SQOR: variants seen among roughly 807,000 people sequenced by gnomAD.
SQOR encodes the protein sulfide quinone oxidoreductase, also known as sulfide:quinone oxidoreductase, mitochondrial.
In SQOR, 39 loss-of-function variants were observed where a neutral mutation model predicts 48.6. The observed-to-expected ratio is 0.80, with a 90% CI of 0.62 to 1.05. The LOEUF is 1.05. Among genes scored for constraint, SQOR ranks in the 50% least tolerant of loss-of-function variants. The pLI, the probability that SQOR is intolerant of heterozygous loss-of-function variation, is 0.00. For missense variants in SQOR, 561 were observed against 559.9 expected, an observed-to-expected ratio of 1.00 and a Z score of -0.02; for synonymous variants, 220 against 206.2, an observed-to-expected ratio of 1.07 and a Z score of -0.57.
At chr15:45,636,604 A>G (rs1595568324) in intron 1 of SQOR, among the ~76,000 whole-genome samples, 1 of 152,040 alleles carries the variant, frequency 6.6e-6, no homozygotes, top group Non-Finnish European at 1.5e-5. Context: ...GGATTTCACC[A>G]TATTGTCCAG....
At chr15:45,679,220 A>G (rs1890084872) in intron 6 of SQOR, among the ~76,000 whole-genome samples, 1 of 152,238 alleles carries the variant, frequency 6.6e-6, no homozygotes, top group Non-Finnish European at 1.5e-5. Flanking sequence ...TGAATTTCAA[A>G]AAATCCACCA....
intron 3 of SQOR, among the ~76,000 whole-genome samples, chr15:45,663,415 A>C (rs985469544): frequency 2.6e-4 from 39 of 152,192 alleles, no homozygotes; most frequent in Non-Finnish European, 4.6e-4. Flanking sequence ...CAGATTTTGC[A>C]TTTGCTTTTA....
At chr15:45,634,244 A>G, upstream of SQOR, among the ~76,000 whole-genome samples, 1 of 138,636 alleles carries the variant, frequency 7.2e-6, no homozygotes, top group Middle Eastern at 3.8e-3. Flanking sequence ...CATAAAACCA[A>G]ATAAGTGTAA....
At chr15:45,689,681 A>G (rs967116563) in intron 9 of SQOR, among the ~76,000 whole-genome samples, 7 of 151,948 alleles carry the variant, frequency 4.6e-5, no homozygotes, top group Non-Finnish European at 7.4e-5. Context: ...CGGCCTCCCA[A>G]TGTGTTGGGA....
intron 6 of SQOR, 143 bp from the exon 7 acceptor site, chr15:45,682,335 G>A (rs575558220): frequency 1.3e-6 from 1 of 772,972 alleles, no homozygotes; most frequent in African/African-American, 1.7e-5. Context: ...TCTTGGAGAG[G>A]GCGTGGACTG....
At chr15:45,650,587 C>T (rs573375279) in intron 1 of SQOR, among the ~76,000 whole-genome samples, 1 of 152,226 alleles carries the variant, frequency 6.6e-6, no homozygotes, top group Admixed American at 6.5e-5. Flanking sequence ...CCACCGCTCG[C>T]TCGGGCAGCC....
At chr15:45,675,389 T>C (rs1566921932) in intron 5 of SQOR, among the ~76,000 whole-genome samples, 1 of 148,594 alleles carries the variant, frequency 6.7e-6, no homozygotes, top group Non-Finnish European at 1.5e-5. Context: ...TACTGTTTTT[T>C]AGTTTGTTTA....
In SQOR at chr15:45,659,040, G is replaced by A. The variant is rs774896218; in HGVS notation, c.117G>A (p.Ala39=). The A allele has an allele frequency of 4.1e-5, 65 of 1,600,530 alleles. No homozygotes were observed. Among genetic ancestry groups the A allele is most frequent in the African/African-American group, 5.3e-5 (4 of 74,830 alleles). The stretch of plus-strand genomic sequence containing the variant: ...AGCTGCACACCGGGGCCAGCCATGC[G>A]GCCAGGAACCATTATGAGGTGCTGG... The part of the protein sequence containing the change: ...PLQLHTGASH[A]ARNHYEVLVL... Residue 39 remains alanine (A), a synonymous_variant, in exon 2 of 10, where the codon GCG becomes GCA. Transcript: ENST00000260324.
intron 9 of SQOR, 79 bp downstream of exon 9, chr15:45,689,296 C>T: frequency 7.0e-7 from 1 of 1,421,018 alleles, no homozygotes; most frequent in Non-Finnish European, 9.8e-7. Flanking sequence ...AGCCTCTTTT[C>T]TTCATTATTA....
intron 1 of SQOR, among the ~76,000 whole-genome samples, chr15:45,639,957 C>A (rs1895075459): frequency 6.6e-6 from 1 of 152,192 alleles, no homozygotes; most frequent in Non-Finnish European, 1.5e-5. Flanking sequence ...TGGTAAATGA[C>A]TATCTCATGG....
chr15:45,668,221 G>C (rs1307593420), intron 3 of SQOR, among the ~76,000 whole-genome samples: 1 of 152,102 alleles, frequency 6.6e-6, no homozygotes, highest in African/African-American at 2.4e-5. Context: ...TGGGATTACA[G>C]GCATGAGCCA....
At position 45,691,019 on chromosome 15, in the gene SQOR, G is replaced by A; in HGVS notation, c.1342G>A (p.Gly448Ser). 6.2e-7 allele frequency: 1 copy of A among 1,614,134 alleles called. No homozygotes were observed. Among genetic ancestry groups the A allele is most frequent in the South Asian group, 1.1e-5 (1 of 91,078 alleles). ...PAFLRKLFHLGMS is the reference protein window; with the variant it reads ...PAFLRKLFHLSMS ...GTTTCTGCGCAAGTTGTTTCATCTA[G>A]GTATGAGTTAAGGATGGCTCAGCAC... Residue 448 changes from glycine (G) to serine (S), a missense_variant, in exon 10 of 10, where the codon GGT becomes AGT. Coordinates refer to ENST00000260324, the MANE Select transcript of SQOR (RefSeq NM_021199.4).
intron 6 of SQOR, among the ~76,000 whole-genome samples, chr15:45,680,669 G>A (rs942916216): frequency 1.4e-4 from 22 of 152,090 alleles, no homozygotes; most frequent in African/African-American, 4.6e-4. Context: ...GCCCACCTTG[G>A]CCCCCCAAAG....
intron 3 of SQOR, 126 bp from the exon 4 acceptor site, chr15:45,669,802 T>C (rs766149123): frequency 1.4e-5 from 11 of 803,410 alleles, no homozygotes; most frequent in Non-Finnish European, 2.4e-5. Context: ...TTCTCATCTG[T>C]TCTATGGGCT....
intron 2 of SQOR, among the ~76,000 whole-genome samples, chr15:45,660,756 C>T (rs1889703002): frequency 6.6e-6 from 1 of 152,168 alleles, no homozygotes; most frequent in African/African-American, 2.4e-5. Context: ...CCTCTGTCTT[C>T]CTCCCTCTTG....
intron 7 of SQOR, among the ~76,000 whole-genome samples, 165 bp from the exon 8 acceptor site, chr15:45,688,172 C>T (rs955937820): frequency 6.6e-6 from 1 of 152,174 alleles, no homozygotes; most frequent in Non-Finnish European, 1.5e-5. Flanking sequence ...TTAAAGAACC[C>T]CCTCCGGTAG....
intron 2 of SQOR, among the ~76,000 whole-genome samples, chr15:45,660,640 A>T (rs1889702040): frequency 6.6e-6 from 1 of 152,176 alleles, no homozygotes. Flanking sequence ...ATTTAGTGAT[A>T]GCTGGAGCTG....
At chr15:45,673,310 T>A (rs1446121934) in intron 4 of SQOR, among the ~76,000 whole-genome samples, 1 of 152,194 alleles carries the variant, frequency 6.6e-6, no homozygotes, top group Non-Finnish European at 1.5e-5. Context: ...AAAGGAAGGC[T>A]GGCTGGCGTC....
chr15:45,683,251 C>G (rs1890156453), intron 7 of SQOR, among the ~76,000 whole-genome samples: 1 of 152,202 alleles, frequency 6.6e-6, no homozygotes, highest in Admixed American at 6.5e-5. Flanking sequence ...ACTGGCATCC[C>G]TGGTATCTTT....
Sources: allele counts gnomAD v4.1 joint callset (sites outside exome capture counted in the v4.1 genomes callset), GRCh38; gene constraint gnomAD v4.1.1; transcripts MANE v1.5; gene names NCBI Gene and HGNC (gene_info 2026-07-23, HGNC 2026-07-21).